Variants in CCDC146 observed in about 807,000 individuals in gnomAD.
The protein encoded by CCDC146 is coiled-coil domain containing 146.
In CCDC146, 92 loss-of-function variants were observed where a neutral mutation model predicts 119.3. That is an observed-to-expected ratio of 0.77 (90% confidence interval 0.65 to 0.92). The LOEUF is 0.92. Ranked by LOEUF, CCDC146 falls within the 40% of genes least tolerant of loss-of-function variation. The pLI, the probability that CCDC146 is intolerant of heterozygous loss-of-function variation, is 0.00. For missense variants in CCDC146, 1,000 were observed against 1,103.0 expected (o/e 0.91, Z 1.32); for synonymous variants, 372 against 371.8 (o/e 1.00, Z -0.01).
chr7:77,247,981 C>T (rs557891056), intron 4 of CCDC146, among the ~76,000 whole-genome samples: 20 of 152,140 alleles, frequency 1.3e-4, no homozygotes, highest in Non-Finnish European at 2.5e-4. Context: ...TACCTGCGCT[C>T]ATATGTTTAT....
intron 9 of CCDC146, among the ~76,000 whole-genome samples, chr7:77,265,137 A>C (rs1406691637): frequency 6.6e-6 from 1 of 152,252 alleles, no homozygotes; most frequent in Non-Finnish European, 1.5e-5. Context: ...AACTTTGGGC[A>C]AACACAGACC....
chr7:77,218,179 T>C (rs1216790363), intron 2 of CCDC146, among the ~76,000 whole-genome samples: 3 of 152,180 alleles, frequency 2.0e-5, no homozygotes, highest in Non-Finnish European at 4.4e-5. Flanking sequence ...TGGTCCATCA[T>C]TGACTGAAAT....
intron 2 of CCDC146, among the ~76,000 whole-genome samples, chr7:77,180,314 A>G (rs1195717870): frequency 6.6e-6 from 1 of 152,146 alleles, no homozygotes; most frequent in East Asian, 1.9e-4. Context: ...TTGTTTATCC[A>G]TTCATCCACT....
At chr7:77,258,584 G>A (rs1428216089) in intron 6 of CCDC146, among the ~76,000 whole-genome samples, 16 of 152,116 alleles carry the variant, frequency 1.1e-4, no homozygotes, top group Non-Finnish European at 2.2e-4. Flanking sequence ...TTTGTATTAG[G>A]TGAACTGTAG....
chr7:77,284,018 C>G (rs1793807076), intron 15 of CCDC146, among the ~76,000 whole-genome samples: 1 of 152,172 alleles, frequency 6.6e-6, no homozygotes, highest in Non-Finnish European at 1.5e-5. Context: ...TCCTGTGGCT[C>G]TGACTCCTGC....
intron 2 of CCDC146, among the ~76,000 whole-genome samples, chr7:77,203,620 AC>A (rs1792034294): frequency 6.6e-6 from 1 of 152,118 alleles, no homozygotes; most frequent in African/African-American, 2.4e-5. Context: ...AGGAGTTCCC[AC>A]CTCATGACTT....
intron 9 of CCDC146, among the ~76,000 whole-genome samples, chr7:77,262,544 G>A (rs777670845): frequency 3.3e-5 from 5 of 152,224 alleles, no homozygotes; most frequent in Non-Finnish European, 5.9e-5. Flanking sequence ...TCATCCTTCA[G>A]CCTGACCTGG....
Position 77,292,981 on chromosome 7 carries a change from T to C in CCDC146, c.2445T>C (p.Asn815=), listed in dbSNP as rs1235410293. The C allele has an allele frequency of 6.2e-7, 1 of 1,613,956 alleles. No homozygotes were observed. Among genetic ancestry groups the C allele is most frequent in the Non-Finnish European group, 8.5e-7 (1 of 1,179,970 alleles). The stretch of plus-strand genomic sequence containing the variant: ...ATGGCTATCAAAGAAGGATCAAAAA[T>C]GCAACTGAGAAAATGATGGCTCTTG... ...KMNGYQRRIK[N]ATEKMMALVA... The change falls in exon 18 of 19, where the codon AAT becomes AAC. Residue 815 remains asparagine, a synonymous_variant. Coordinates refer to ENST00000285871, the MANE Select transcript of CCDC146 (RefSeq NM_020879.3).
At chr7:77,164,915 A>G (rs1304922448) in intron 1 of CCDC146, among the ~76,000 whole-genome samples, 2 of 152,240 alleles carry the variant, frequency 1.3e-5, no homozygotes, top group African/African-American at 4.8e-5. Context: ...AATGATACAT[A>G]TTCAGCAGAA....
At chr7:77,182,028 C>T (rs564170374) in intron 2 of CCDC146, among the ~76,000 whole-genome samples, 2 of 152,302 alleles carry the variant, frequency 1.3e-5, no homozygotes, top group African/African-American at 2.4e-5. Flanking sequence ...TTATTACCTT[C>T]TGAGGCAAAA....
At position 77,181,169 on chromosome 7, in the gene CCDC146, A is replaced by T. The variant is rs1158457144; in HGVS notation, c.156+13345A>T. Among the ~76,000 whole-genome samples, 3 of 152,190 alleles carry T rather than the reference A, an allele frequency of 2.0e-5. No homozygotes were observed. In the East Asian group the frequency reaches 5.8e-4, roughly 29 times the overall value. On this transcript the variant is annotated intron_variant, in intron 2 of 18. Transcript: ENST00000285871. ...GCAAAGTAGTGGGGTTGATCAGAAG[A>T]CAGAGGGAGAGGGCTGAACTGTGGG...
At chr7:77,278,484 C>T (rs1464671598) in intron 11 of CCDC146, among the ~76,000 whole-genome samples, 6 of 116,078 alleles carry the variant, frequency 5.2e-5, no homozygotes, top group Admixed American at 1.2e-4. Context: ...CTTACTTTGT[C>T]GCCCAGGCTG....
At chr7:77,217,914 C>G (rs528505158) in intron 2 of CCDC146, among the ~76,000 whole-genome samples, 3 of 152,164 alleles carry the variant, frequency 2.0e-5, no homozygotes, top group Non-Finnish European at 4.4e-5. Flanking sequence ...AGGGCACTTA[C>G]TGTGAATGGA....
chr7:77,204,289 G>A (rs956295074), intron 2 of CCDC146, among the ~76,000 whole-genome samples: 5 of 151,942 alleles, frequency 3.3e-5, no homozygotes, highest in African/African-American at 1.2e-4. Flanking sequence ...TTCCTTAGAG[G>A]TCTTAGTCCT....
intron 2 of CCDC146, among the ~76,000 whole-genome samples, chr7:77,187,763 C>A (rs1389690142): frequency 6.6e-6 from 1 of 152,160 alleles, no homozygotes; most frequent in Non-Finnish European, 1.5e-5. Context: ...TTAGAGTATG[C>A]TCCTTACCCA....
intron 2 of CCDC146, among the ~76,000 whole-genome samples, chr7:77,203,057 A>C (rs938323241): frequency 8.1e-6 from 1 of 124,000 alleles, no homozygotes; most frequent in Non-Finnish European, 1.6e-5. Flanking sequence ...GGACTATTTT[A>C]GGAATGAATC....
Position 77,125,304 on chromosome 7 carries a change from A to G in CCDC146, c.-12+2572A>G, listed in dbSNP as rs963013539. 9.9e-5 allele frequency among the ~76,000 whole-genome samples: 15 copies of G among 151,242 alleles called. 2 individuals are homozygous for G. The highest frequency in any genetic ancestry group is 3.2e-4 in the African/African-American group (13 of 40,906). Reference sequence around the variant, plus strand: ...TATCTTGATATGGGAAATAGTCCATATATAAAGTGAAAAGAATATATACAA... The same window carrying G: ...TATCTTGATATGGGAAATAGTCCATGTATAAAGTGAAAAGAATATATACAA... On this transcript the variant is annotated intron_variant, in intron 1 of 18. Coordinates refer to ENST00000285871, the MANE Select transcript of CCDC146 (RefSeq NM_020879.3).
intron 11 of CCDC146, 119 bp downstream of exon 11, chr7:77,274,771 C>A: frequency 1.3e-6 from 1 of 766,566 alleles, no homozygotes; most frequent in Non-Finnish European, 2.0e-6. Context: ...AGCAAACTAT[C>A]GCAAGGACAA....
chr7:77,257,638 A>C (rs1793205973), intron 6 of CCDC146, among the ~76,000 whole-genome samples: 1 of 152,176 alleles, frequency 6.6e-6, no homozygotes, highest in South Asian at 2.1e-4. Context: ...CAGCCCCACA[A>C]AATTTGATCT....
Sources: allele counts gnomAD v4.1 joint callset (sites outside exome capture counted in the v4.1 genomes callset), GRCh38; gene constraint gnomAD v4.1.1; transcripts MANE v1.5; gene names NCBI Gene and HGNC (gene_info 2026-07-23, HGNC 2026-07-21).